Variants in ZNF655 observed in about 807,000 individuals in gnomAD.
The protein encoded by ZNF655 is Vav-interacting Kruppel-like protein 1.
Under a neutral mutation model 6.6 loss-of-function variants are expected in ZNF655, and 3 were observed. The ratio of observed to expected loss-of-function variants is 0.46; its 90% CI spans 0.21 to 1.18. The LOEUF (loss-of-function observed/expected upper bound fraction) is 1.18, where lower values mean the gene tolerates loss of function less well. ZNF655 is among the 50% of genes most tolerant of loss of function. The pLI is 0.24. For missense variants in ZNF655, 526 were observed against 572.3 expected (o/e 0.92, Z 0.83); for synonymous variants, 178 against 195.0 (o/e 0.91, Z 0.73).
intron 2 of ZNF655, among the ~76,000 whole-genome samples, chr7:99,568,323 T>TC (rs1319078319): frequency 1.3e-5 from 2 of 149,600 alleles, no homozygotes; most frequent in African/African-American, 4.9e-5. Flanking sequence ...TGATCTCGGC[T>TC]CACTGCAACC....
chr7:99,571,357 C>G, intron 2 of ZNF655: 1 of 1,259,594 alleles, frequency 7.9e-7, no homozygotes, highest in South Asian at 1.3e-5. Flanking sequence ...TAGACCAGAT[C>G]TAATCCGAAG....
intron 2 of ZNF655, among the ~76,000 whole-genome samples, chr7:99,569,035 A>T (rs964653453): frequency 3.3e-5 from 5 of 150,152 alleles, no homozygotes; most frequent in Admixed American, 6.6e-5. Flanking sequence ...TCTGTCCGTC[A>T]TGGCCTCCCA....
intron 2 of ZNF655, chr7:99,564,720 G>A (rs1248707228): frequency 1.0e-6 from 1 of 984,768 alleles, no homozygotes; most frequent in African/African-American, 1.7e-5. Context: ...TCTACTTTTT[G>A]GAGTAAAGAA....
rs753316382 is a variant in ZNF655 at position 99,572,240 on chromosome 7, A to C, written c.137-5A>C. 4.1e-5 allele frequency: 64 copies of C among 1,577,854 alleles called. No individual in the cohort carries two copies. In the Admixed American group the frequency reaches 1.1e-3, roughly 28 times the overall value. On this transcript the variant is annotated splice_region_variant and splice_polypyrimidine_tract_variant and intron_variant, in intron 2 of 2. Transcript: ENST00000252713. Reference sequence around the variant, plus strand: ...TTTGCATTTTCTATTTATATATTGTATCAGATGGAGAGACCAGAGAAGAGA... The same window carrying C: ...TTTGCATTTTCTATTTATATATTGTCTCAGATGGAGAGACCAGAGAAGAGA...
chr7:99,570,032 G>A (rs1484779577), intron 2 of ZNF655, among the ~76,000 whole-genome samples: 1 of 152,000 alleles, frequency 6.6e-6, no homozygotes, highest in Non-Finnish European at 1.5e-5. Context: ...CATCTGCTGG[G>A]CATTTTCTCT....
Position 99,573,383 on chromosome 7 carries a change from G to A in ZNF655, c.1275G>A (p.Gln425=). The part of the protein sequence containing the change: ...KAFSQTSCLI[Q]HHKMHRKEKS... ...TCAGTCAAACCTCATGCCTTATTCAGCATCACAAAATGCATAGGAAAGAGA... is the reference window on the plus strand; with the variant it reads ...TCAGTCAAACCTCATGCCTTATTCAACATCACAAAATGCATAGGAAAGAGA... The change falls in exon 3 of 3, where the codon CAG becomes CAA. Residue 425 remains glutamine (Q), a synonymous_variant. Coordinates refer to ENST00000252713, the MANE Select transcript of ZNF655 (RefSeq NM_138494.3). 1 of 1,614,180 alleles carries A rather than the reference G, an allele frequency of 6.2e-7. No homozygotes were observed. The highest frequency in any genetic ancestry group is 8.5e-7 in the Non-Finnish European group (1 of 1,180,016).
intron 2 of ZNF655, 64 bp downstream of exon 2, chr7:99,560,759 C>T: frequency 1.0e-5 from 16 of 1,580,168 alleles, no homozygotes; most frequent in East Asian, 2.3e-5. Flanking sequence ...CGAGGGGGCT[C>T]CTGGGCCTGG....
intron 2 of ZNF655, chr7:99,564,736 G>A: frequency 1.0e-6 from 1 of 984,578 alleles, no homozygotes; most frequent in South Asian, 4.7e-5. Flanking sequence ...AAGAAACTTT[G>A]TAGCAGTTTA....
In ZNF655 at chr7:99,562,268, A is replaced by G. The variant is rs1331638552; in HGVS notation, c.136+1573A>G. On this transcript the variant is annotated intron_variant, in intron 2 of 2. Transcript: ENST00000252713. ...TCTAATCTGTTCTCCCTCCTCCTCA[A>G]CGTAAGTACACAGTGGATACCCTCT... is the stretch of plus-strand genomic sequence containing the variant. 5.5e-6 allele frequency: 8 copies of G among 1,467,174 alleles called. No homozygotes were observed. The Admixed American group carries it at 8.1e-5, about 15-fold the overall frequency. The allele number at this position is 1,467,174 out of a possible 1,614,324, so 90.9% of individuals were successfully genotyped here.
intron 2 of ZNF655, among the ~76,000 whole-genome samples, chr7:99,561,415 G>A (rs906621410): frequency 2.0e-5 from 3 of 152,158 alleles, no homozygotes; most frequent in African/African-American, 7.2e-5. Flanking sequence ...AAAAGATTTC[G>A]AGGAAACAGA....
At chr7:99,564,224 T>C (rs1472943458) in intron 2 of ZNF655, 3 of 1,365,448 alleles carry the variant, frequency 2.2e-6, no homozygotes, top group Non-Finnish European at 2.8e-6. Flanking sequence ...AAACCATGGT[T>C]GGTGGTCATC....
At chr7:99,563,937 A>G (rs1389628071) in intron 2 of ZNF655, 6 of 1,613,876 alleles carry the variant, frequency 3.7e-6, no homozygotes, top group African/African-American at 2.7e-5. Flanking sequence ...TACCCAGGCA[A>G]GTGCTTTCTC....
intron 2 of ZNF655, chr7:99,563,262 T>G (rs1188090834): frequency 2.4e-6 from 1 of 414,024 alleles, no homozygotes; most frequent in East Asian, 8.4e-5. Flanking sequence ...GGCAGCTCCC[T>G]TGGTGTGAGC....
Position 99,573,796 on chromosome 7 carries a change from C to T in ZNF655, c.*212C>T. 1.8e-6 allele frequency: 1 copy of T among 562,798 alleles called. No individual in the cohort carries two copies. Among genetic ancestry groups the T allele is most frequent in the Non-Finnish European group, 3.0e-6 (1 of 334,850 alleles). 34.9% of individuals were successfully genotyped at this position (562,798 alleles called of 1,614,324 possible). A position where few individuals can be genotyped will look rare whatever the true frequency, so the allele number is the denominator to read the frequency against. The stretch of plus-strand genomic sequence containing the variant: ...ATTAGTGTTAAACTCTTAATCGACT[C>T]CTGCAAATCTATACCAGTGAGAAAT... On this transcript the variant is annotated 3_prime_UTR_variant, in exon 3 of 3. Transcript: ENST00000252713.
In ZNF655 at chr7:99,560,713, C is replaced by T. The variant is rs1343547617; in HGVS notation, c.136+18C>T. On this transcript the variant is annotated intron_variant, in intron 2 of 2. Coordinates refer to ENST00000252713, the MANE Select transcript of ZNF655 (RefSeq NM_138494.3). ...CACTGGGGGTAAGGCAGAGAAAGCA[C>T]TTCCGTCTGGGAGAGTGGGAGTGCG... 3 of 1,612,568 alleles carry T rather than the reference C, an allele frequency of 1.9e-6. No individual in the cohort carries two copies. The highest frequency in any genetic ancestry group is 1.7e-4 in the Middle Eastern group (1 of 6,048).
chr7:99,562,706 C>A (rs1803296719), intron 2 of ZNF655, among the ~76,000 whole-genome samples: 1 of 151,914 alleles, frequency 6.6e-6, no homozygotes, highest in South Asian at 2.1e-4. Context: ...CCTCCTTATC[C>A]CCAGTTCATG....
At chr7:99,566,525 G>A (rs571538436) in intron 2 of ZNF655, among the ~76,000 whole-genome samples, 4 of 152,326 alleles carry the variant, frequency 2.6e-5, no homozygotes, top group East Asian at 3.9e-4. Context: ...AAGCATAGCC[G>A]TAGTAAAAGC....
intron 1 of ZNF655, among the ~76,000 whole-genome samples, chr7:99,560,087 TC>T (rs1802989664): frequency 1.3e-5 from 2 of 149,438 alleles, no homozygotes; most frequent in African/African-American, 2.5e-5. Context: ...TTCTTTTTTT[TC>T]TTTTTTTTTT....
Position 99,573,262 on chromosome 7 carries a change from G to A in ZNF655, c.1154G>A (p.Cys385Tyr). The change falls in exon 3 of 3, where the codon TGT becomes TAT. Residue 385 changes from cysteine to tyrosine, a missense_variant. Coordinates refer to ENST00000252713, the MANE Select transcript of ZNF655 (RefSeq NM_138494.3). ...FREKPYTCSE[C>Y]GKDFRLNSHL... ...GAAAAGCCCTATACGTGTAGTGAAT[G>A]TGGAAAAGACTTCAGATTGAATTCA... The A allele has an allele frequency of 6.2e-7, 1 of 1,614,184 alleles. No individual in the cohort carries two copies. Among genetic ancestry groups the A allele is most frequent in the Non-Finnish European group, 8.5e-7 (1 of 1,180,016 alleles).
Sources: allele counts gnomAD v4.1 joint callset (sites outside exome capture counted in the v4.1 genomes callset), GRCh38; gene constraint gnomAD v4.1.1; transcripts MANE v1.5; gene names NCBI Gene and HGNC (gene_info 2026-07-23, HGNC 2026-07-21).